Variants in ABI1 observed in about 807,000 individuals in gnomAD.
ABI1 encodes the protein abl interactor 1.
Under a neutral mutation model 54.6 loss-of-function variants are expected in ABI1, and 14 were observed. That is an observed-to-expected ratio of 0.26 (90% CI 0.17 to 0.40). The LOEUF (loss-of-function observed/expected upper bound fraction) is 0.40. Ranked by LOEUF, ABI1 falls within the 10% of genes least tolerant of loss-of-function variation. The probability of loss-of-function intolerance (pLI) is 1.00; values close to 1 mark genes in which losing one functional copy is unlikely to be tolerated. For missense variants in ABI1, 443 were observed against 598.3 expected, an observed-to-expected ratio of 0.74 and a Z score of 2.71; for synonymous variants, 194 against 209.3, an observed-to-expected ratio of 0.93 and a Z score of 0.63.
chr10:26,756,358 T>C (rs145764567), intron 8 of ABI1, among the ~76,000 whole-genome samples: 236 of 152,288 alleles, frequency 1.5e-3, no homozygotes, highest in Middle Eastern at 0.01. Context: ...TTTTTTTAAG[T>C]TGGCAATTTT....
chr10:26,802,753 C>A (rs1023964952), intron 2 of ABI1, among the ~76,000 whole-genome samples: 2 of 152,110 alleles, frequency 1.3e-5, no homozygotes, highest in Admixed American at 1.3e-4. Flanking sequence ...CTGGAGGAGG[C>A]AGTACCTGTG....
intron 1 of ABI1, among the ~76,000 whole-genome samples, chr10:26,859,560 C>A (rs2051128709): frequency 6.6e-6 from 1 of 152,198 alleles, no homozygotes; most frequent in African/African-American, 2.4e-5. Flanking sequence ...TTGTTTCTAG[C>A]GCAAACTGTT....
At chr10:26,804,287 G>A (rs557956407) in intron 2 of ABI1, among the ~76,000 whole-genome samples, 17 of 152,112 alleles carry the variant, frequency 1.1e-4, no homozygotes, top group African/African-American at 3.9e-4. Context: ...GGAGGCTGAG[G>A]CACAAGAATC....
At chr10:26,848,200 C>CAAAAAAAAAA (rs149066426) in intron 1 of ABI1, among the ~76,000 whole-genome samples, 6 of 78,648 alleles carry the variant, frequency 7.6e-5, no homozygotes, top group East Asian at 3.7e-4. Context: ...GACCCTGTCT[C>CAAAAAAAAAA]AAAAAAAAAA....
At chr10:26,858,891 T>C (rs2051073498) in intron 1 of ABI1, among the ~76,000 whole-genome samples, 1 of 152,210 alleles carries the variant, frequency 6.6e-6, no homozygotes, top group African/African-American at 2.4e-5. Context: ...GAGCCACCCC[T>C]GTATGAAGCA....
At chr10:26,852,827 G>C (rs1345983148) in intron 1 of ABI1, among the ~76,000 whole-genome samples, 3 of 152,186 alleles carry the variant, frequency 2.0e-5, no homozygotes, top group Non-Finnish European at 4.4e-5. Flanking sequence ...AACACTTCGG[G>C]AGGCCAAGGC....
intron 2 of ABI1, among the ~76,000 whole-genome samples, chr10:26,820,099 G>T (rs1588977025): frequency 6.6e-6 from 1 of 152,120 alleles, no homozygotes; most frequent in Non-Finnish European, 1.5e-5. Flanking sequence ...AATAAGTTCT[G>T]GAGATCTAAT....
At chr10:26,846,464 T>G (rs1479200310) in intron 1 of ABI1, among the ~76,000 whole-genome samples, 1 of 151,694 alleles carries the variant, frequency 6.6e-6, no homozygotes, top group Non-Finnish European at 1.5e-5. Context: ...TGCCTCAGCC[T>G]CCTGAGTGGC....
intron 1 of ABI1, among the ~76,000 whole-genome samples, chr10:26,828,352 T>G (rs1322981239): frequency 6.6e-6 from 1 of 152,208 alleles, no homozygotes; most frequent in African/African-American, 2.4e-5. Context: ...TGAAATATTT[T>G]AAGAATTACC....
At chr10:26,809,658 C>A (rs549565023) in intron 2 of ABI1, among the ~76,000 whole-genome samples, 1 of 152,148 alleles carries the variant, frequency 6.6e-6, no homozygotes, top group African/African-American at 2.4e-5. Flanking sequence ...AATATATAAG[C>A]CTTACCTGAC....
intron 2 of ABI1, among the ~76,000 whole-genome samples, chr10:26,815,098 A>G (rs934285425): frequency 6.6e-6 from 1 of 152,202 alleles, no homozygotes; most frequent in Non-Finnish European, 1.5e-5. Context: ...ATTTAAAAAA[A>G]AATTTCTTTC....
At chr10:26,768,308 G>A (rs1288937265) in intron 6 of ABI1, among the ~76,000 whole-genome samples, 2 of 151,856 alleles carry the variant, frequency 1.3e-5, no homozygotes, top group African/African-American at 4.8e-5. Context: ...CACTTTGGGA[G>A]GCCGAGGCAG....
chr10:26,759,320 G>A lies in ABI1; in HGVS notation c.821-82C>T, dbSNP rs909348859. The A allele has an allele frequency of 1.6e-5, 18 of 1,155,464 alleles. No individual in the cohort carries two copies. The African/African-American group carries it at 2.7e-4, about 17-fold the overall frequency. 71.6% of individuals were successfully genotyped at this position (1,155,464 alleles called of 1,614,324 possible). A position where few individuals can be genotyped will look rare whatever the true frequency, so the allele number is the denominator to read the frequency against. On this transcript the variant is annotated intron_variant, in intron 7 of 10. Coordinates refer to ENST00000376140, the MANE Select transcript of ABI1 (RefSeq NM_001012750.3). Reference sequence around the variant, plus strand: ...TAGATGGCAGAACAAAGCAGGAGGGGGCCTCAGTAAGAAATATTTATTACT... The same window carrying A: ...TAGATGGCAGAACAAAGCAGGAGGGAGCCTCAGTAAGAAATATTTATTACT...
chr10:26,768,977 A>G lies in ABI1; in HGVS notation c.594T>C (p.Tyr198=), dbSNP rs113007675. 7.4e-5 allele frequency: 119 copies of G among 1,611,452 alleles called. 1 individual carries two copies. In the African/African-American group the frequency reaches 1.5e-3, roughly 21 times the overall value. The change falls in exon 6 of 11, where the codon TAT becomes TAC. Residue 198 remains tyrosine (Y), a synonymous_variant. Transcript: ENST00000376140. ...GGGGTTTAACAGGTTCCAGGGTTTTATAAGGAGTATTCCGTCTAAAGGAGC... is the reference window on the plus strand; with the variant it reads ...GGGGTTTAACAGGTTCCAGGGTTTTGTAAGGAGTATTCCGTCTAAAGGAGC... ...GRGTLGRNTP[Y]KTLEPVKPPT...
intron 1 of ABI1, among the ~76,000 whole-genome samples, chr10:26,856,889 C>G (rs1208334313): frequency 1.3e-5 from 2 of 152,162 alleles, no homozygotes; most frequent in South Asian, 2.1e-4. Context: ...TATGAACTAA[C>G]TCTAAGGTAG....
chr10:26,846,944 G>A (rs779767588), intron 1 of ABI1, among the ~76,000 whole-genome samples: 19 of 152,100 alleles, frequency 1.2e-4, no homozygotes, highest in African/African-American at 1.2e-4. Flanking sequence ...GGCAGCACCT[G>A]ATGTATACTT....
intron 2 of ABI1, among the ~76,000 whole-genome samples, chr10:26,814,614 A>G (rs900088031): frequency 1.3e-5 from 2 of 152,198 alleles, no homozygotes; most frequent in African/African-American, 4.8e-5. Flanking sequence ...AAATATCACT[A>G]TAAGAATCTT....
intron 1 of ABI1, among the ~76,000 whole-genome samples, chr10:26,835,661 A>G (rs2049017158): frequency 6.6e-6 from 1 of 152,060 alleles, no homozygotes; most frequent in Non-Finnish European, 1.5e-5. Flanking sequence ...AAATATATTG[A>G]TACATGAGTG....
At chr10:26,763,775 C>G (rs1319037204) in intron 7 of ABI1, 1 of 997,696 alleles carries the variant, frequency 1.0e-6, no homozygotes, top group Non-Finnish European at 1.6e-6. Context: ...TGTATTATCA[C>G]CTGCAACCTA....
Sources: gnomAD v4.1 joint callset for allele counts (sites outside exome capture counted in the v4.1 genomes callset) on GRCh38, gnomAD v4.1.1 for gene constraint, MANE v1.5 for transcripts, NCBI Gene and HGNC (gene_info 2026-07-23, HGNC 2026-07-21) for gene names.